CCNA2: variants seen among roughly 807,000 people sequenced by gnomAD.
CCNA2 encodes cyclin-A2.
Under a neutral mutation model 49.4 loss-of-function variants are expected in CCNA2, and 3 were observed. The observed-to-expected ratio is 0.06, with a 90% CI of 0.03 to 0.16. The LOEUF (loss-of-function observed/expected upper bound fraction) is 0.16. CCNA2 is among the 10% of genes least tolerant of loss of function. The pLI is 1.00. For synonymous variants in CCNA2, 206 were observed against 197.2 expected (o/e 1.04, Z -0.37); for missense variants, 372 against 519.7 (o/e 0.72, Z 2.76).
chr4:121,818,117 CCAT>C lies in CCNA2; in HGVS notation c.1174_1176del (p.Met392del). On this transcript the variant is annotated inframe_deletion, in exon 7 of 8. Transcript: ENST00000274026. ...GCTTTGAGGTAGGTCTGGTGAAGGT[CCAT>C]GAGACAAGGCTTAAGACTTTCCAGG... 6.2e-7 allele frequency: 1 copy of C among 1,613,474 alleles called. No individual in the cohort carries two copies. The highest frequency in any genetic ancestry group is 8.5e-7 in the Non-Finnish European group (1 of 1,179,446).
At chr4:121,823,289 T>C (rs1724741699) in intron 1 of CCNA2, 127 bp downstream of exon 1, 1 of 1,162,800 alleles carries the variant, frequency 8.6e-7, no homozygotes. Flanking sequence ...CAGCACCAAC[T>C]GCACTCCAGA....
intron 2 of CCNA2, among the ~76,000 whole-genome samples, chr4:121,821,798 A>T (rs1479195563): frequency 6.6e-6 from 1 of 152,180 alleles, no homozygotes; most frequent in Non-Finnish European, 1.5e-5. Context: ...CTAAAATGAG[A>T]TTGGATTTAG....
At chr4:121,822,737 C>A (rs972553530) in intron 1 of CCNA2, 91 bp from the exon 2 acceptor site, 3 of 1,301,676 alleles carry the variant, frequency 2.3e-6, no homozygotes, top group Admixed American at 4.5e-5. Context: ...CCCAAATACT[C>A]TATCAGGAAT....
rs1457024700 is a variant in CCNA2, at chr4:121,822,629, A to T, written c.231T>A (p.Asp77Glu). Residue 77 changes from aspartate to glutamate, a missense_variant, in exon 2 of 8, where the codon GAT becomes GAA. Asp to Glu is a conservative substitution (Grantham distance 45, BLOSUM62 2). Around this residue, in one of 2 missense-constraint regions of CCNA2, gnomAD observed 217 missense variants for 231.7 expected, o/e 0.94. Transcript: ENST00000274026. Reference sequence around the variant, plus strand: ...TGACATGCTCATCATTTACAGGAAGATCCTTAAGGGGTGCAACCTAAAAAA... The same window carrying T: ...TGACATGCTCATCATTTACAGGAAGTTCCTTAAGGGGTGCAACCTAAAAAA... ...PKTRRVAPLK[D>E]LPVNDEHVTV... 1.9e-6 allele frequency: 3 copies of T among 1,613,560 alleles called. No homozygotes were observed. The highest frequency in any genetic ancestry group is 2.5e-6 in the Non-Finnish European group (3 of 1,179,914).
rs1204366650 is a variant in CCNA2, at chr4:121,818,193, T to C, written c.1117-16A>G. The C allele has an allele frequency of 1.2e-6, 2 of 1,605,258 alleles. No homozygotes were observed. Among genetic ancestry groups the C allele is most frequent in the Non-Finnish European group, 8.5e-7 (1 of 1,177,220 alleles). ...ATGATTCAGGCTACAGAGAAGGGAA[T>C]AGAGAACCCCTGAGTTTTGCTTTTA... On this transcript the variant is annotated splice_polypyrimidine_tract_variant and intron_variant, in intron 6 of 7. Transcript: ENST00000274026.
At chr4:121,818,294 CT>C in intron 6 of CCNA2, 117 bp from the exon 7 acceptor site, 1 of 909,622 alleles carries the variant, frequency 1.1e-6, no homozygotes, top group South Asian at 1.8e-5. Context: ...ACTTTTCCAA[CT>C]ACTAGTTTTC....
In CCNA2 at chr4:121,823,467, C is replaced by T. The variant is rs763335932; in HGVS notation, c.162G>A (p.Lys54=). 6.8e-6 allele frequency: 11 copies of T among 1,613,552 alleles called. No individual in the cohort carries two copies. In the South Asian group the frequency reaches 1.2e-4, roughly 18 times the overall value. The change falls in exon 1 of 8, where the codon AAG becomes AAA. Residue 54 remains lysine (K), a synonymous_variant. Transcript: ENST00000274026. ...GCGCTAGACCCCGCGGGTTCCCGGA[C>T]TTCAGTACCGCCAGCGCGGCCCGGG... The part of the protein sequence containing the change: ...PRTRAALAVL[K]SGNPRGLAQQ...
intron 7 of CCNA2, 61 bp downstream of exon 7, chr4:121,817,983 G>A: frequency 6.7e-7 from 1 of 1,490,322 alleles, no homozygotes. Flanking sequence ...AGGTTAAAAT[G>A]TCAAAGATCT....
rs1370009309 is a variant in CCNA2 at position 121,823,445 on chromosome 4, C to CT, written c.183dup (p.Ala62SerfsTer15). 6.2e-7 allele frequency: 1 copy of CT among 1,613,304 alleles called. No homozygotes were observed. The highest frequency in any genetic ancestry group is 1.7e-5 in the Admixed American group (1 of 59,946). On this transcript the variant is annotated frameshift_variant, in exon 1 of 8. Transcript: ENST00000274026. LOFTEE classifies it high-confidence loss of function. The stretch of plus-strand genomic sequence containing the variant: ...CTCGTCTTCGGCCTCTGCTGCTGCG[C>CT]TAGACCCCGCGGGTTCCCGGACTTC...
chr4:121,821,580 T>C (rs1724693176), intron 2 of CCNA2, among the ~76,000 whole-genome samples: 1 of 152,340 alleles, frequency 6.6e-6, no homozygotes, highest in South Asian at 2.1e-4. Context: ...AGGTTTGTTA[T>C]GGGCAAATGG....
In CCNA2 at chr4:121,817,521, AC is replaced by A. The variant is rs1724571772; in HGVS notation, c.*116del. On this transcript the variant is annotated 3_prime_UTR_variant, in exon 8 of 8. Transcript: ENST00000274026. ...AAAAGTAATAGATACCATAATTTGT[AC>A]TTGGCCACAACTTCTGTATTCAGAA... The A allele has an allele frequency of 8.3e-7, 1 of 1,205,042 alleles. No homozygotes were observed. Among genetic ancestry groups the A allele is most frequent in the Non-Finnish European group, 1.2e-6 (1 of 849,072 alleles). The allele number at this position is 1,205,042 out of a possible 1,614,324, so 74.6% of individuals were successfully genotyped here. A position where few individuals can be genotyped will look rare whatever the true frequency, so the allele number is the denominator to read the frequency against.
intron 1 of CCNA2, 94 bp from the exon 2 acceptor site, chr4:121,822,740 T>A: frequency 7.8e-7 from 1 of 1,283,706 alleles, no homozygotes; most frequent in Non-Finnish European, 1.1e-6. Flanking sequence ...AAATACTCTA[T>A]CAGGAATTAA....
rs202018156 is a variant in CCNA2 at position 121,816,473 on chromosome 4, A to G, written c.*1165T>C. On this transcript the variant is annotated 3_prime_UTR_variant, in exon 8 of 8. Coordinates refer to ENST00000274026, the MANE Select transcript of CCNA2 (RefSeq NM_001237.5). ...GTAACAAATTTCTGGTTTATTTCAAATGTATACATATACTCAACACTTATA... is the reference window on the plus strand; with the variant it reads ...GTAACAAATTTCTGGTTTATTTCAAGTGTATACATATACTCAACACTTATA... 47 of 1,363,434 alleles carry G rather than the reference A, an allele frequency of 3.4e-5. No individual in the cohort carries two copies. In the African/African-American group the frequency reaches 5.3e-4, roughly 15 times the overall value. The allele number at this position is 1,363,434 out of a possible 1,614,324, so 84.5% of individuals were successfully genotyped here.
Position 121,823,678 on chromosome 4 carries a change from G to C in CCNA2, c.-50C>G. The C allele has an allele frequency of 6.6e-7, 1 of 1,516,766 alleles. No homozygotes were observed. Among genetic ancestry groups the C allele is most frequent in the South Asian group, 1.2e-5 (1 of 81,844 alleles). The allele number at this position is 1,516,766 out of a possible 1,614,324, so 94.0% of individuals were successfully genotyped here. A position where few individuals can be genotyped will look rare whatever the true frequency, so the allele number is the denominator to read the frequency against. On this transcript the variant is annotated 5_prime_UTR_variant, in exon 1 of 8. Coordinates refer to ENST00000274026, the MANE Select transcript of CCNA2 (RefSeq NM_001237.5). ...GGATCAGCCTGCGGCGCCAAGCAGC[G>C]TGCACTCTGCCCAGCCGACCACTCG...
At chr4:121,818,639 A>T (rs950742855) in intron 6 of CCNA2, among the ~76,000 whole-genome samples, 161 bp downstream of exon 6, 2 of 152,222 alleles carry the variant, frequency 1.3e-5, no homozygotes, top group Non-Finnish European at 2.9e-5. Context: ...AAGTGGACTC[A>T]CACAGTTCAA....
chr4:121,819,693 G>A (rs1475382019), intron 4 of CCNA2, 114 bp from the exon 5 acceptor site: 1 of 682,644 alleles, frequency 1.5e-6, no homozygotes, highest in African/African-American at 1.8e-5. Flanking sequence ...CACACCAACT[G>A]CATTTCCAGA....
chr4:121,822,626 A>C lies in CCNA2; in HGVS notation c.234T>G (p.Leu78=). 1 of 1,613,956 alleles carries C rather than the reference A, an allele frequency of 6.2e-7. No homozygotes were observed. Among genetic ancestry groups the C allele is most frequent in the Non-Finnish European group, 8.5e-7 (1 of 1,179,988 alleles). Residue 78 remains leucine, a synonymous_variant, in exon 2 of 8, where the codon CTT becomes CTG. Coordinates refer to ENST00000274026, the MANE Select transcript of CCNA2 (RefSeq NM_001237.5). ...CGGTGACATGCTCATCATTTACAGG[A>C]AGATCCTTAAGGGGTGCAACCTAAA... ...KTRRVAPLKD[L]PVNDEHVTVP... is the part of the protein sequence containing the mutation.
chr4:121,823,880 C>T lies in CCNA2; in HGVS notation c.-252G>A. 2 of 579,546 alleles carry T rather than the reference C, an allele frequency of 3.5e-6. No individual in the cohort carries two copies. Among genetic ancestry groups the T allele is most frequent in the South Asian group, 2.6e-5 (1 of 38,194 alleles). The allele number at this position is 579,546 out of a possible 1,614,324, so 35.9% of individuals were successfully genotyped here. On this transcript the variant is annotated 5_prime_UTR_variant, in exon 1 of 8. Transcript: ENST00000274026. The stretch of plus-strand genomic sequence containing the variant: ...ACGCCCAGAGATGCAGCGAGCAGCC[C>T]GCCGGAGCGGCGGCTGTTCTTGCAG...
chr4:121,818,766 C>G, intron 6 of CCNA2, 34 bp downstream of exon 6: 2 of 1,255,966 alleles, frequency 1.6e-6, no homozygotes, highest in South Asian at 2.4e-5. Context: ...GCATTTCAGT[C>G]ACAAGATAGG....
Sources: gnomAD v4.1 joint callset for allele counts (sites outside exome capture counted in the v4.1 genomes callset) on GRCh38, gnomAD v4.1.1 for gene constraint, gnomAD v4.1.1 regional missense constraint, MANE v1.5 for transcripts, NCBI Gene and HGNC (gene_info 2026-07-23, HGNC 2026-07-21) for gene names.